The following CHP1 variants were observed in gnomAD, a reference collection of about 807,000 sequenced individuals.
CHP1 encodes the protein calcineurin B homologous protein 1.
In CHP1, 11 loss-of-function variants were observed where a neutral mutation model predicts 27.4. The ratio of observed to expected loss-of-function variants is 0.40; its 90% CI spans 0.25 to 0.67. The LOEUF (loss-of-function observed/expected upper bound fraction) is 0.67. CHP1 is among the 30% of genes least tolerant of loss of function. The pLI is 0.38. For missense variants in CHP1, 169 were observed against 251.3 expected (o/e 0.67, Z 2.22); for synonymous variants, 89 against 87.4 (o/e 1.02, Z -0.10).
chr15:41,264,258 A>T (rs1415899432), intron 4 of CHP1: 3 of 1,266,684 alleles, frequency 2.4e-6, no homozygotes, highest in Non-Finnish European at 3.1e-6. Context: ...CCTCACTTTG[A>T]TAAGTCAGTT....
chr15:41,243,980 A>AGGTCAAGGCGGGCGGATCT (rs1381517042), intron 2 of CHP1, among the ~76,000 whole-genome samples: 11 of 152,266 alleles, frequency 7.2e-5, no homozygotes, highest in Middle Eastern at 3.4e-3. Context: ...CGGGCGGATC[A>AGGTCAAGGCGGGCGGATCT]TGAGGCCAGG....
chr15:41,275,556 C>CA (rs1186909765), intron 5 of CHP1, among the ~76,000 whole-genome samples: 3 of 152,018 alleles, frequency 2.0e-5, no homozygotes, highest in African/African-American at 7.2e-5. Context: ...ATGTAATTTA[C>CA]TATTGATGGA....
chr15:41,246,618 A>G (rs945658734), intron 2 of CHP1, among the ~76,000 whole-genome samples: 4 of 142,938 alleles, frequency 2.8e-5, no homozygotes, highest in Non-Finnish European at 4.5e-5. Context: ...GTGCCTGGCC[A>G]AAAAGCTTTT....
chr15:41,242,047 C>G lies in CHP1; in HGVS notation c.68-1620C>G, dbSNP rs147164918. Among the ~76,000 whole-genome samples, 726 of 152,170 alleles carry G rather than the reference C, an allele frequency of 4.8e-3. 9 individuals are homozygous for G. Among genetic ancestry groups the G allele is most frequent in the African/African-American group, 0.017 (701 of 41,512 alleles). On this transcript the variant is annotated intron_variant, in intron 1 of 6. Coordinates refer to ENST00000334660, the MANE Select transcript of CHP1 (RefSeq NM_007236.5). ...TTGAGTTTTTAGTATTATTATGTACCTGCCATTATTGCCTCATTTTAATTG... is the reference window on the plus strand; with the variant it reads ...TTGAGTTTTTAGTATTATTATGTACGTGCCATTATTGCCTCATTTTAATTG...
chr15:41,246,126 A>G, intron 2 of CHP1, among the ~76,000 whole-genome samples: 1 of 152,116 alleles, frequency 6.6e-6, no homozygotes, highest in East Asian at 1.9e-4. Flanking sequence ...TTGTAATTTT[A>G]GCTCCAATAC....
chr15:41,279,765 C>T lies in CHP1; in HGVS notation c.*376C>T, dbSNP rs2047536761. Reference sequence around the variant, plus strand: ...AGACTGTAGCCCTGCTGCCTTCCCTCCAGCGAGTCTGCCAGCATGCTTCTT... The same window carrying T: ...AGACTGTAGCCCTGCTGCCTTCCCTTCAGCGAGTCTGCCAGCATGCTTCTT... On this transcript the variant is annotated 3_prime_UTR_variant, in exon 7 of 7. Coordinates refer to ENST00000334660, the MANE Select transcript of CHP1 (RefSeq NM_007236.5). 1 of 193,224 alleles carries T rather than the reference C, an allele frequency of 5.2e-6. No individual in the cohort carries two copies. Among genetic ancestry groups the T allele is most frequent in the Admixed American group, 6.0e-5 (1 of 16,582 alleles). The allele number at this position is 193,224 out of a possible 1,614,324, so 12.0% of individuals were successfully genotyped here.
chr15:41,237,943 C>T (rs576889368), intron 1 of CHP1, among the ~76,000 whole-genome samples: 5 of 152,206 alleles, frequency 3.3e-5, no homozygotes, highest in Admixed American at 2.6e-4. Flanking sequence ...CTCTTGACCT[C>T]GTAATCCACC....
intron 3 of CHP1, among the ~76,000 whole-genome samples, chr15:41,259,295 C>G (rs1162477754): frequency 6.6e-6 from 1 of 152,178 alleles, no homozygotes; most frequent in African/African-American, 2.4e-5. Context: ...TTGTGGGAAG[C>G]TGTTTTGTAA....
intron 2 of CHP1, among the ~76,000 whole-genome samples, chr15:41,253,082 GC>G (rs1279988806): frequency 1.3e-5 from 2 of 151,736 alleles, no homozygotes; most frequent in African/African-American, 4.8e-5. Context: ...GGGACTACAG[GC>G]TCGCGCCACC....
intron 2 of CHP1, among the ~76,000 whole-genome samples, chr15:41,253,745 C>G (rs929781718): frequency 6.6e-6 from 1 of 151,606 alleles, no homozygotes; most frequent in South Asian, 2.1e-4. Context: ...TGAGCCACTG[C>G]GCCCGGCTGA....
chr15:41,271,358 G>T (rs1019252565), intron 5 of CHP1, among the ~76,000 whole-genome samples: 1 of 152,020 alleles, frequency 6.6e-6, no homozygotes, highest in South Asian at 2.1e-4. Context: ...AACCCAGGAG[G>T]TGGAGGTTGC....
Position 41,262,032 on chromosome 15 carries a change from G to A in CHP1, c.222-724G>A, listed in dbSNP as rs536347182. Among the ~76,000 whole-genome samples the A allele has an allele frequency of 3.2e-3, 481 of 151,206 alleles. 2 individuals carry two copies. The highest frequency in any genetic ancestry group is 5.6e-3 in the Admixed American group (85 of 15,138). On this transcript the variant is annotated intron_variant, in intron 3 of 6. Coordinates refer to ENST00000334660, the MANE Select transcript of CHP1 (RefSeq NM_007236.5). ...AAAATACAAAAAATTAGCCGGGCAT[G>A]GTGGCGGGCGTCTGTAGTTCCAGCT...
At chr15:41,232,541 C>T (rs1160095716) in intron 1 of CHP1, among the ~76,000 whole-genome samples, 1 of 151,874 alleles carries the variant, frequency 6.6e-6, no homozygotes, top group Non-Finnish European at 1.5e-5. Flanking sequence ...AGTCCAGTCT[C>T]TTCCTCATTA....
chr15:41,239,292 C>T (rs1358600065), intron 1 of CHP1, among the ~76,000 whole-genome samples: 1 of 149,380 alleles, frequency 6.7e-6, no homozygotes. Flanking sequence ...CACTGACTCC[C>T]ATATAACCCA....
intron 2 of CHP1, among the ~76,000 whole-genome samples, chr15:41,251,505 G>T (rs1474540578): frequency 6.6e-6 from 1 of 152,162 alleles, no homozygotes; most frequent in Non-Finnish European, 1.5e-5. Context: ...CCAGTCTGTG[G>T]CCAGTTAGGA....
At chr15:41,243,284 T>G (rs1292085723) in intron 1 of CHP1, among the ~76,000 whole-genome samples, 1 of 151,950 alleles carries the variant, frequency 6.6e-6, no homozygotes, top group Admixed American at 6.5e-5. Context: ...GAGGTGGCAG[T>G]GAGTGAGATC....
chr15:41,273,019 T>C (rs955649682), intron 5 of CHP1, among the ~76,000 whole-genome samples: 96 of 151,882 alleles, frequency 6.3e-4, no homozygotes, highest in African/African-American at 2.2e-3. Context: ...ATCACGCTAC[T>C]GCACTCCAGC....
chr15:41,263,275 T>G (rs1437639254), intron 4 of CHP1, among the ~76,000 whole-genome samples: 1 of 152,190 alleles, frequency 6.6e-6, no homozygotes, highest in East Asian at 1.9e-4. Flanking sequence ...CTGTGTTAAG[T>G]GCTAGCATGG....
intron 4 of CHP1, chr15:41,264,131 C>G (rs1401281059): frequency 8.4e-7 from 1 of 1,190,772 alleles, no homozygotes; most frequent in African/African-American, 1.6e-5. Context: ...CAGTTGTTAA[C>G]AGGGCTTTTT....
Sources: gnomAD v4.1 joint callset for allele counts (sites outside exome capture counted in the v4.1 genomes callset) on GRCh38, gnomAD v4.1.1 for gene constraint, MANE v1.5 for transcripts, NCBI Gene and HGNC (gene_info 2026-07-23, HGNC 2026-07-21) for gene names.